The following COBL variants were observed in gnomAD, a reference collection of about 807,000 sequenced individuals.
COBL encodes the protein cordon-bleu WH2 repeat protein.
Under a neutral mutation model 98.8 loss-of-function variants are expected in COBL, and 51 were observed. The ratio of observed to expected loss-of-function variants is 0.52; its 90% CI spans 0.41 to 0.65. The LOEUF (loss-of-function observed/expected upper bound fraction) is 0.65, where lower values mean the gene tolerates loss of function less well. COBL is among the 30% of genes least tolerant of loss of function. COBL has a pLI of 0.00. For synonymous variants in COBL, 634 were observed against 651.7 expected, an observed-to-expected ratio of 0.97 and a Z score of 0.41; for missense variants, 1,617 against 1,617.5, an observed-to-expected ratio of 1.00 and a Z score of 0.01.
chr7:51,017,658 C>T lies in COBL; in HGVS notation c.3769-90G>A. 3.0e-6 allele frequency: 4 copies of T among 1,344,924 alleles called. No homozygotes were observed. In the South Asian group the frequency reaches 3.5e-5, roughly 12 times the overall value. 83.3% of individuals were successfully genotyped at this position (1,344,924 alleles called of 1,614,324 possible). Reference sequence around the variant, plus strand: ...TGCTAGAGAGCTCTGTGCACAGCCACTCTTGCAATAGTACTCCTGGAACCC... The same window carrying T: ...TGCTAGAGAGCTCTGTGCACAGCCATTCTTGCAATAGTACTCCTGGAACCC... On this transcript the variant is annotated intron_variant, in intron 12 of 12. Transcript: ENST00000265136.
At chr7:51,218,054 T>C (rs765464499) in intron 2 of COBL, among the ~76,000 whole-genome samples, 23 of 152,210 alleles carry the variant, frequency 1.5e-4, no homozygotes, top group Admixed American at 2.0e-4. Context: ...CAACCTCCCA[T>C]TCTAGCCCAG....
intron 6 of COBL, among the ~76,000 whole-genome samples, chr7:51,098,634 A>G (rs960388408): frequency 2.0e-5 from 3 of 152,210 alleles, no homozygotes; most frequent in African/African-American, 7.2e-5. Context: ...TCCAAATGTA[A>G]GACCTGAAAT....
intron 1 of COBL, among the ~76,000 whole-genome samples, chr7:51,273,576 C>G (rs1309114948): frequency 2.0e-5 from 3 of 152,234 alleles, no homozygotes; most frequent in South Asian, 2.1e-4. Flanking sequence ...CTTGTGACAC[C>G]TGCTTCTGCC....
chr7:51,309,243 A>G (rs866315716), intron 1 of COBL, among the ~76,000 whole-genome samples: 1 of 152,300 alleles, frequency 6.6e-6, no homozygotes, highest in South Asian at 2.1e-4. Flanking sequence ...TATGGCTGGC[A>G]GGTGGAGCAC....
At chr7:51,066,098 C>A (rs181141291) in intron 7 of COBL, among the ~76,000 whole-genome samples, 6 of 152,302 alleles carry the variant, frequency 3.9e-5, no homozygotes, top group Non-Finnish European at 7.4e-5. Context: ...TGTGTTGCTG[C>A]GCACTGTGAT....
intron 7 of COBL, chr7:51,073,389 C>CG (rs772890708): frequency 5.3e-5 from 36 of 678,726 alleles, no homozygotes; most frequent in Middle Eastern, 2.3e-4. Flanking sequence ...CAATAAACTG[C>CG]GGGGGGAAAA....
At chr7:51,244,971 T>G (rs944086383) in intron 1 of COBL, among the ~76,000 whole-genome samples, 29 of 152,228 alleles carry the variant, frequency 1.9e-4, no homozygotes, top group African/African-American at 6.8e-4. Flanking sequence ...TCTCCCTGTC[T>G]TGGCTCGCTA....
At chr7:51,163,796 C>T (rs1009783609) in intron 5 of COBL, among the ~76,000 whole-genome samples, 4 of 152,186 alleles carry the variant, frequency 2.6e-5, no homozygotes, top group African/African-American at 9.7e-5. Flanking sequence ...AATAATGCCA[C>T]AATAAACAGC....
At chr7:51,113,669 C>T (rs528454361) in intron 6 of COBL, among the ~76,000 whole-genome samples, 1 of 152,234 alleles carries the variant, frequency 6.6e-6, no homozygotes, top group Admixed American at 6.5e-5. Flanking sequence ...TGAATGAGTG[C>T]TTTTTAAAGA....
chr7:51,309,229 C>T (rs12532725), intron 1 of COBL, among the ~76,000 whole-genome samples: 52,050 of 152,052 alleles, frequency 0.34, 9,975 homozygotes, highest in South Asian at 0.45. Flanking sequence ...AGCAAAGGGA[C>T]TTGTATGGCT....
intron 2 of COBL, among the ~76,000 whole-genome samples, chr7:51,205,649 T>G (rs1361305603): frequency 6.7e-6 from 1 of 148,402 alleles, no homozygotes; most frequent in Non-Finnish European, 1.5e-5. Context: ...GGTTTTTTGT[T>G]TTTTTTTTTT....
At chr7:51,127,530 G>A (rs1390277292) in intron 6 of COBL, among the ~76,000 whole-genome samples, 1 of 152,220 alleles carries the variant, frequency 6.6e-6, no homozygotes, top group Non-Finnish European at 1.5e-5. Context: ...AAAAATGTAT[G>A]AGGTCGGGGA....
chr7:51,150,781 G>A (rs1205960173), intron 5 of COBL, among the ~76,000 whole-genome samples: 2 of 152,176 alleles, frequency 1.3e-5, no homozygotes, highest in Non-Finnish European at 2.9e-5. Context: ...CAACTCAAAG[G>A]GAAGTGTCTG....
Position 51,027,819 on chromosome 7 carries a change from T to G in COBL, c.3277A>C (p.Lys1093Gln). 1 of 1,614,268 alleles carries G rather than the reference T, an allele frequency of 6.2e-7. No individual in the cohort carries two copies. The highest frequency in any genetic ancestry group is 1.1e-5 in the South Asian group (1 of 91,092). Residue 1093 changes from lysine to glutamine, a missense_variant, in exon 10 of 13, where the codon AAA becomes CAA. Physicochemically the swap from Lys to Gln is moderately conservative, Grantham distance 53 (BLOSUM62 1). Around this residue, in one of 3 missense-constraint regions of COBL, gnomAD observed 1,304 missense variants for 1,282.0 expected, o/e 1.02. Transcript: ENST00000265136. ...IWPPSIFGPK[K>Q]KFKPVVQRPV... ...CTCTGGACAACAGGTTTGAATTTTT[T>G]CTTCGGCCCAAAAATGCTGGGTGGC... is the stretch of plus-strand genomic sequence containing the variant.
intron 11 of COBL, among the ~76,000 whole-genome samples, chr7:51,026,001 C>G (rs1284948417): frequency 6.6e-6 from 1 of 152,220 alleles, no homozygotes; most frequent in Non-Finnish European, 1.5e-5. Flanking sequence ...AGGCTGGACA[C>G]ATACATCCAA....
intron 5 of COBL, among the ~76,000 whole-genome samples, chr7:51,161,080 A>G (rs188550743): frequency 6.1e-4 from 93 of 152,294 alleles, no homozygotes; most frequent in Non-Finnish European, 1.0e-3. Context: ...CTACCTCATA[A>G]ACACGTGGCT....
intron 5 of COBL, among the ~76,000 whole-genome samples, chr7:51,152,730 C>T (rs1335024699): frequency 6.6e-6 from 1 of 152,184 alleles, no homozygotes; most frequent in Non-Finnish European, 1.5e-5. Flanking sequence ...AGTTAATTGA[C>T]AATATAAACA....
chr7:51,187,955 C>T (rs79767860), intron 4 of COBL: 34,502 of 1,232,254 alleles, frequency 0.028, 553 homozygotes, highest in Non-Finnish European at 0.031. Context: ...TTTGCTCAGA[C>T]GAACTGGAAA....
In COBL at chr7:51,104,156, T is replaced by C. The variant is rs76655128; in HGVS notation, c.958-18852A>G. Among the ~76,000 whole-genome samples, 519 of 152,352 alleles carry C rather than the reference T, an allele frequency of 3.4e-3. 7 individuals carry two copies. Among genetic ancestry groups the C allele is most frequent in the African/African-American group, 0.011 (470 of 41,578 alleles). ...CAGGATAAATCCTCAATACCTAATG[T>C]AGTTATTTCTTTATCATATTCTCAT... On this transcript the variant is annotated intron_variant, in intron 6 of 12. Coordinates refer to ENST00000265136, the MANE Select transcript of COBL (RefSeq NM_015198.5).
Sources: allele counts gnomAD v4.1 joint callset (sites outside exome capture counted in the v4.1 genomes callset), GRCh38; gene constraint gnomAD v4.1.1; regional missense constraint gnomAD v4.1.1; transcripts MANE v1.5; gene names NCBI Gene and HGNC (gene_info 2026-07-23, HGNC 2026-07-21).